TMEM40: variants seen among roughly 807,000 people sequenced by gnomAD.
The protein encoded by TMEM40 is transmembrane protein 40.
Under a neutral mutation model 40.8 loss-of-function variants are expected in TMEM40, and 34 were observed. The observed-to-expected ratio is 0.83, with a 90% CI of 0.63 to 1.11. TMEM40 has a LOEUF of 1.11. TMEM40 is among the 50% of genes least tolerant of loss of function. The probability of loss-of-function intolerance (pLI) is 0.00; values close to 1 mark genes in which losing one functional copy is unlikely to be tolerated. For missense variants in TMEM40, 296 were observed against 280.2 expected, an observed-to-expected ratio of 1.06 and a Z score of -0.40; for synonymous variants, 106 against 107.0, an observed-to-expected ratio of 0.99 and a Z score of 0.06.
chr3:12,744,115 G>A, intron 3 of TMEM40, 126 bp from the exon 4 acceptor site: 2 of 903,680 alleles, frequency 2.2e-6, no homozygotes, highest in Non-Finnish European at 3.4e-6. Flanking sequence ...GAGGAACTCT[G>A]ATTTGGGGAC....
chr3:12,766,669 T>C (rs1242935675), intron 1 of TMEM40, among the ~76,000 whole-genome samples: 2 of 152,168 alleles, frequency 1.3e-5, no homozygotes, highest in Non-Finnish European at 2.9e-5. Flanking sequence ...GCAAATATTT[T>C]CTCCAGTCCA....
chr3:12,768,943 CGGGGGGGGCG>C lies in TMEM40; in HGVS notation c.-9+298_-9+307del, dbSNP rs2061608686. 3.5e-3 allele frequency among the ~76,000 whole-genome samples: 5 copies of C among 1,444 alleles called. 1 individual carries two copies. The highest frequency in any genetic ancestry group is 0.03 in the African/African-American group (5 of 168). 0.9% of individuals were successfully genotyped at this position (1,444 alleles called of 152,430 possible). A position where few individuals can be genotyped will look rare whatever the true frequency, so the allele number is the denominator to read the frequency against. On this transcript the variant is annotated intron_variant, in intron 1 of 11. Coordinates refer to the TMEM40 transcript ENST00000264728. The stretch of plus-strand genomic sequence containing the variant: ...CGGGGCCGGGGCGGGGCGGGGGGGG[CGGGGGGGGCG>C]GGGGGGCGCGGCCTGGCGAGGCACA...
upstream of TMEM40, among the ~76,000 whole-genome samples, chr3:12,762,312 T>G (rs1329675324): frequency 1.3e-5 from 2 of 152,256 alleles, no homozygotes; most frequent in African/African-American, 2.4e-5. Context: ...TTCGTTTTAC[T>G]ATTTTTAACA....
rs970792316 is a variant in TMEM40 at position 12,733,818 on chromosome 3, A to G, written c.*956T>C. ...TAAAAAAAGGGTATGTGAGGGATAC[A>G]TATGTTAATTAGCTTGATTTAGCCA... On this transcript the variant is annotated 3_prime_UTR_variant, in exon 12 of 12. Transcript: ENST00000314124. 1.3e-5 allele frequency: 2 copies of G among 152,138 alleles called. No individual in the cohort carries two copies. Among genetic ancestry groups the G allele is most frequent in the African/African-American group, 4.8e-5 (2 of 41,432 alleles). 9.4% of individuals were successfully genotyped at this position (152,138 alleles called of 1,614,324 possible). A position where few individuals can be genotyped will look rare whatever the true frequency, so the allele number is the denominator to read the frequency against.
At chr3:12,745,259 G>T (rs1048267889) in intron 3 of TMEM40, among the ~76,000 whole-genome samples, 7 of 144,888 alleles carry the variant, frequency 4.8e-5, no homozygotes, top group Non-Finnish European at 1.0e-4. Flanking sequence ...CTAGAGACGA[G>T]GTTTCACCAT....
At chr3:12,755,194 C>T (rs55927176) in intron 1 of TMEM40, among the ~76,000 whole-genome samples, 63,812 of 117,360 alleles carry the variant, frequency 0.54, 17,411 homozygotes, top group African/African-American at 0.61. Context: ...TTCCTTCCTT[C>T]CTTCCTTTCT....
intron 1 of TMEM40, among the ~76,000 whole-genome samples, chr3:12,757,129 G>T (rs1166893094): frequency 1.3e-5 from 2 of 152,180 alleles, no homozygotes; most frequent in African/African-American, 4.8e-5. Flanking sequence ...GATTCGAATA[G>T]ACATTTCTCG....
intron 7 of TMEM40, 188 bp from the exon 8 acceptor site, chr3:12,737,942 C>CCT: frequency 1.1e-6 from 1 of 933,336 alleles, no homozygotes; most frequent in East Asian, 2.6e-5. Flanking sequence ...ACTTCCTCCT[C>CCT]CTTCCTTAGG....
upstream of TMEM40, among the ~76,000 whole-genome samples, chr3:12,763,906 T>C (rs1230112024): frequency 6.6e-6 from 1 of 151,802 alleles, no homozygotes; most frequent in Admixed American, 6.6e-5. Context: ...TTACATGAGG[T>C]TTATTTTTAT....
chr3:12,760,178 G>A (rs1180177821), upstream of TMEM40, among the ~76,000 whole-genome samples: 2 of 152,084 alleles, frequency 1.3e-5, no homozygotes, highest in Admixed American at 6.6e-5. Flanking sequence ...CCTTGATCCA[G>A]CCAGTGTCAA....
intron 1 of TMEM40, among the ~76,000 whole-genome samples, chr3:12,766,090 G>A (rs2061592842): frequency 6.6e-6 from 1 of 150,390 alleles, no homozygotes. Flanking sequence ...AAGCTCCTGG[G>A]CTCAAGCAAT....
intron 1 of TMEM40, among the ~76,000 whole-genome samples, chr3:12,768,386 C>T (rs1333872057): frequency 6.6e-6 from 1 of 152,106 alleles, no homozygotes; most frequent in African/African-American, 2.4e-5. Context: ...TATGTGGCCC[C>T]ACTCACATCC....
intron 6 of TMEM40, 30 bp downstream of exon 6, chr3:12,738,523 A>G: frequency 6.2e-7 from 1 of 1,613,588 alleles, no homozygotes; most frequent in Non-Finnish European, 8.5e-7. Context: ...ACCAGCACCA[A>G]CGACCTCTCT....
chr3:12,755,237 T>TTCTC (rs1476088852), intron 1 of TMEM40, among the ~76,000 whole-genome samples: 2 of 46,602 alleles, frequency 4.3e-5, no homozygotes, highest in African/African-American at 1.8e-4. Context: ...CTCTCTCTCT[T>TTCTC]TCTTTCTTTC....
intron 2 of TMEM40, 126 bp downstream of exon 2, chr3:12,749,634 C>T: frequency 1.3e-6 from 1 of 766,316 alleles, no homozygotes; most frequent in South Asian, 1.7e-5. Context: ...CCACTACTTC[C>T]CCATTTCAGC....
intron 8 of TMEM40, 69 bp downstream of exon 8, chr3:12,737,638 C>T: frequency 6.8e-7 from 1 of 1,462,768 alleles, no homozygotes; most frequent in Non-Finnish European, 9.6e-7. Context: ...GCTAGGCCAC[C>T]AGCTGCATTT....
upstream of TMEM40, among the ~76,000 whole-genome samples, chr3:12,762,860 T>C (rs1434300437): frequency 1.3e-5 from 2 of 152,206 alleles, no homozygotes; most frequent in Admixed American, 1.3e-4. Context: ...TGATGTTTCC[T>C]GCCACTTAAA....
chr3:12,764,852 A>G (rs1342593800), intron 1 of TMEM40, among the ~76,000 whole-genome samples: 1 of 152,166 alleles, frequency 6.6e-6, no homozygotes, highest in African/African-American at 2.4e-5. Context: ...GCAGGTTTAC[A>G]TATTTTAATA....
At position 12,733,670 on chromosome 3, in the gene TMEM40, T is replaced by C. The variant is rs1028162612; in HGVS notation, c.*1104A>G. On this transcript the variant is annotated 3_prime_UTR_variant, in exon 12 of 12. Coordinates refer to ENST00000314124, the MANE Select transcript of TMEM40 (RefSeq NM_018306.4). ...TTCTGAGTTTTGAGAACAGCATGTC[T>C]GTGACCATCAAGAACTCAGTTCAAG... 10 of 152,152 alleles carry C rather than the reference T, an allele frequency of 6.6e-5. No homozygotes were observed. Among genetic ancestry groups the C allele is most frequent in the Non-Finnish European group, 1.0e-4 (7 of 68,030 alleles). 9.4% of individuals were successfully genotyped at this position (152,152 alleles called of 1,614,324 possible).
Sources: gnomAD v4.1 joint callset for allele counts (sites outside exome capture counted in the v4.1 genomes callset) on GRCh38, gnomAD v4.1.1 for gene constraint, MANE v1.5 for transcripts, NCBI Gene and HGNC (gene_info 2026-07-23, HGNC 2026-07-21) for gene names.